LBH: variants seen among roughly 807,000 people sequenced by gnomAD.
The protein encoded by LBH is protein LBH.
In LBH, 7 loss-of-function variants were observed where a neutral mutation model predicts 12.5. The ratio of observed to expected loss-of-function variants is 0.56; its 90% CI spans 0.32 to 1.05. The LOEUF (loss-of-function observed/expected upper bound fraction) is 1.05. Among genes scored for constraint, LBH ranks in the 50% least tolerant of loss-of-function variants. The pLI, the probability that LBH is intolerant of heterozygous loss-of-function variation, is 0.04. For synonymous variants in LBH, 51 were observed against 50.1 expected (o/e 1.02, Z -0.08); for missense variants, 119 against 138.9 (o/e 0.86, Z 0.72).
chr2:30,231,598 G>C lies in LBH; in HGVS notation c.-141G>C. 2 of 777,780 alleles carry C rather than the reference G, an allele frequency of 2.6e-6. No individual in the cohort carries two copies. The highest frequency in any genetic ancestry group is 4.4e-6 in the Non-Finnish European group (2 of 449,990). 48.2% of individuals were successfully genotyped at this position (777,780 alleles called of 1,614,324 possible). ...TGCCGACGTCGCTAGCCGTGGGGCTGTCCTGGGAAGGCGGACGGCGAGCGC... is the reference window on the plus strand; with the variant it reads ...TGCCGACGTCGCTAGCCGTGGGGCTCTCCTGGGAAGGCGGACGGCGAGCGC... On this transcript the variant is annotated 5_prime_UTR_variant, in exon 1 of 3. Transcript: ENST00000395323.
In LBH at chr2:30,231,534, GC is replaced by G. The variant is rs1677583389; in HGVS notation, c.-204del. 1.7e-6 allele frequency: 1 copy of G among 581,902 alleles called. No homozygotes were observed. Among genetic ancestry groups the G allele is most frequent in the African/African-American group, 2.0e-5 (1 of 49,302 alleles). The allele number at this position is 581,902 out of a possible 1,614,324, so 36.0% of individuals were successfully genotyped here. A position where few individuals can be genotyped will look rare whatever the true frequency, so the allele number is the denominator to read the frequency against. ...TACGGCTTCCCGGGCTCTTTGTGGGGCTGAGTGCTCAGTGGAGAGCGGGGAG... is the reference window on the plus strand; with the variant it reads ...TACGGCTTCCCGGGCTCTTTGTGGGGTGAGTGCTCAGTGGAGAGCGGGGAG... On this transcript the variant is annotated 5_prime_UTR_variant, in exon 1 of 3. Transcript: ENST00000395323.
chr2:30,241,573 C>T lies in LBH; in HGVS notation c.129+7066C>T, dbSNP rs1008941715. ...CTCCCAGGTTCAAGGGATTCTCCTG[C>T]CTCAGCCTCTTGAGTAGCTGGGACT... On this transcript the variant is annotated intron_variant, in intron 2 of 2. Coordinates refer to ENST00000395323, the MANE Select transcript of LBH (RefSeq NM_030915.4). 2.0e-5 allele frequency among the ~76,000 whole-genome samples: 3 copies of T among 151,016 alleles called. No individual in the cohort carries two copies. In the Admixed American group the frequency reaches 2.0e-4, roughly 10 times the overall value.
intron 1 of LBH, 70 bp from the exon 2 acceptor site, chr2:30,234,335 T>G: frequency 8.6e-7 from 1 of 1,156,838 alleles, no homozygotes; most frequent in Non-Finnish European, 1.3e-6. Context: ...CCCACAGCAG[T>G]GAATGCATGA....
chr2:30,251,443 C>T (rs779412552), intron 2 of LBH, among the ~76,000 whole-genome samples: 11 of 151,984 alleles, frequency 7.2e-5, no homozygotes, highest in Non-Finnish European at 1.2e-4. Context: ...CAAAATGCCA[C>T]GGCCTGTTGG....
intron 2 of LBH, among the ~76,000 whole-genome samples, chr2:30,254,370 G>A (rs1361004420): frequency 6.6e-6 from 1 of 152,080 alleles, no homozygotes; most frequent in African/African-American, 2.4e-5. Flanking sequence ...TACCTATCTT[G>A]GGATTGCAGT....
At chr2:30,251,785 T>C (rs377684612) in intron 2 of LBH, among the ~76,000 whole-genome samples, 1 of 152,324 alleles carries the variant, frequency 6.6e-6, no homozygotes, top group East Asian at 1.9e-4. Context: ...AATGTAACTT[T>C]AAATGGCCCT....
At chr2:30,251,802 T>G (rs1390045812) in intron 2 of LBH, among the ~76,000 whole-genome samples, 2 of 152,104 alleles carry the variant, frequency 1.3e-5, no homozygotes, top group Admixed American at 6.6e-5. Context: ...CCCTGTGTGG[T>G]GAGTGGCTGC....
intron 1 of LBH, among the ~76,000 whole-genome samples, chr2:30,233,749 G>A (rs1160298810): frequency 6.6e-6 from 1 of 152,218 alleles, no homozygotes; most frequent in Non-Finnish European, 1.5e-5. Context: ...TAATCCAGGG[G>A]ATGTTTTTCA....
intron 2 of LBH, among the ~76,000 whole-genome samples, chr2:30,256,189 G>C (rs74717555): frequency 2.0e-5 from 3 of 152,196 alleles, no homozygotes; most frequent in Non-Finnish European, 4.4e-5. Flanking sequence ...AAGGGAATCC[G>C]CAGAGCCAGA....
chr2:30,237,823 A>G lies in LBH; in HGVS notation c.129+3316A>G, dbSNP rs1426456351. On this transcript the variant is annotated intron_variant, in intron 2 of 2. Transcript: ENST00000395323. ...ATCCACGTGTGCACATTCACTTAAC[A>G]TGAATTGTGACACCCTGTGGGGTGG... is the stretch of plus-strand genomic sequence containing the variant. Among the ~76,000 whole-genome samples, 7 of 152,286 alleles carry G rather than the reference A, an allele frequency of 4.6e-5. No individual in the cohort carries two copies. In the East Asian group the frequency reaches 1.2e-3, roughly 25 times the overall value.
At chr2:30,254,041 C>A (rs1391156290) in intron 2 of LBH, among the ~76,000 whole-genome samples, 1 of 152,170 alleles carries the variant, frequency 6.6e-6, no homozygotes, top group Non-Finnish European at 1.5e-5. Flanking sequence ...GAGCAAGTCA[C>A]ATACCGTCTC....
intron 2 of LBH, among the ~76,000 whole-genome samples, chr2:30,253,103 C>T (rs986494776): frequency 6.6e-6 from 1 of 152,226 alleles, no homozygotes; most frequent in African/African-American, 2.4e-5. Flanking sequence ...GCCTCAACCC[C>T]TACCTGTCAT....
intron 2 of LBH, among the ~76,000 whole-genome samples, chr2:30,255,605 G>A (rs887332277): frequency 1.3e-5 from 2 of 152,200 alleles, no homozygotes; most frequent in Non-Finnish European, 2.9e-5. Flanking sequence ...AGGCTTCACT[G>A]AGGCCTGTGA....
chr2:30,253,977 C>T (rs935648684), intron 2 of LBH, among the ~76,000 whole-genome samples: 45 of 152,114 alleles, frequency 3.0e-4, no homozygotes, highest in African/African-American at 1.0e-3. Context: ...CATTTGAAGT[C>T]CTACAGGTCT....
chr2:30,259,207 A>C lies in LBH; in HGVS notation c.*1586A>C, dbSNP rs1464618683. 1 of 152,684 alleles carries C rather than the reference A, an allele frequency of 6.5e-6. No homozygotes were observed. The highest frequency in any genetic ancestry group is 2.4e-5 in the African/African-American group (1 of 41,348). 9.5% of individuals were successfully genotyped at this position (152,684 alleles called of 1,614,324 possible). ...TGTATATAGCTGTATTTAATACCTC[A>C]AGGTCATTGTGGCTCTGGGGATGCC... On this transcript the variant is annotated 3_prime_UTR_variant, in exon 3 of 3. Transcript: ENST00000395323.
chr2:30,244,903 C>G (rs770808715), intron 2 of LBH, among the ~76,000 whole-genome samples: 2 of 151,896 alleles, frequency 1.3e-5, no homozygotes, highest in African/African-American at 2.4e-5. Context: ...GACCCTGTCT[C>G]AAACAAACAG....
Position 30,232,452 on chromosome 2 carries a change from G to A in LBH, c.26+688G>A, listed in dbSNP as rs538212665. On this transcript the variant is annotated intron_variant, in intron 1 of 2. Coordinates refer to ENST00000395323, the MANE Select transcript of LBH (RefSeq NM_030915.4). ...GGGCGTCGGAGGTTTGCCCCGGACT[G>A]GGGATCGGAGCCGGGAGGGATGCAG... The A allele has an allele frequency of 6.0e-5, 30 of 499,198 alleles. No homozygotes were observed. In the East Asian group the frequency reaches 1.0e-3, roughly 17 times the overall value. The allele number at this position is 499,198 out of a possible 1,614,324, so 30.9% of individuals were successfully genotyped here.
At chr2:30,246,307 CT>C (rs1383518827) in intron 2 of LBH, among the ~76,000 whole-genome samples, 1 of 152,138 alleles carries the variant, frequency 6.6e-6, no homozygotes, top group East Asian at 1.9e-4. Flanking sequence ...ATTCTCAAAC[CT>C]TTTGGTCTCG....
In LBH at chr2:30,256,189, G is replaced by A. The variant is rs74717555; in HGVS notation, c.130-1244G>A. Among the ~76,000 whole-genome samples the A allele has an allele frequency of 3.1e-3, 473 of 152,314 alleles. 3 individuals are homozygous for A. The highest frequency in any genetic ancestry group is 0.011 in the African/African-American group (457 of 41,580). The stretch of plus-strand genomic sequence containing the variant: ...AGGGCAGTGTATGCAAAGGGAATCC[G>A]CAGAGCCAGATTTGGCCCTGATTTT... On this transcript the variant is annotated intron_variant, in intron 2 of 2. Coordinates refer to ENST00000395323, the MANE Select transcript of LBH (RefSeq NM_030915.4).
Sources: gnomAD v4.1 joint callset for allele counts (sites outside exome capture counted in the v4.1 genomes callset) on GRCh38, gnomAD v4.1.1 for gene constraint, MANE v1.5 for transcripts, NCBI Gene and HGNC (gene_info 2026-07-23, HGNC 2026-07-21) for gene names.